KLHL41: variants seen among roughly 807,000 people sequenced by gnomAD.
KLHL41 encodes kelch-like protein 41.
A neutral mutation model predicts 49.2 loss-of-function variants in KLHL41; 31 were observed. The observed-to-expected ratio is 0.63, with a 90% CI of 0.47 to 0.85. The LOEUF (loss-of-function observed/expected upper bound fraction) is 0.85. Ranked by LOEUF, KLHL41 falls within the 40% of genes least tolerant of loss-of-function variation. The pLI is 0.00. For synonymous variants in KLHL41, 218 were observed against 258.5 expected (o/e 0.84, Z 1.50); for missense variants, 663 against 726.7 (o/e 0.91, Z 1.01).
chr2:169,518,492 AG>A, intron 4 of KLHL41, 117 bp downstream of exon 4: 1 of 675,388 alleles, frequency 1.5e-6, no homozygotes. Flanking sequence ...ACAGAGCCAC[AG>A]ATTACAAAGG....
intron 5 of KLHL41, among the ~76,000 whole-genome samples, chr2:169,522,421 C>T (rs151227356): frequency 3.9e-5 from 6 of 151,942 alleles, no homozygotes; most frequent in Non-Finnish European, 7.4e-5. Flanking sequence ...GAGATTTCCA[C>T]GGAGCAAAGA....
intron 5 of KLHL41, among the ~76,000 whole-genome samples, chr2:169,521,242 T>A (rs1473143700): frequency 1.3e-5 from 2 of 152,206 alleles, no homozygotes; most frequent in African/African-American, 4.8e-5. Context: ...TGTTTCTTAC[T>A]GTAAAATGAG....
intron 5 of KLHL41, among the ~76,000 whole-genome samples, chr2:169,523,270 A>G (rs1272353444): frequency 6.6e-6 from 1 of 152,198 alleles, no homozygotes; most frequent in Non-Finnish European, 1.5e-5. Flanking sequence ...TTGCGATTAG[A>G]GCAGTGGTTC....
chr2:169,513,272 C>G (rs1684057932), intron 1 of KLHL41, among the ~76,000 whole-genome samples: 1 of 152,134 alleles, frequency 6.6e-6, no homozygotes, highest in African/African-American at 2.4e-5. Context: ...TCTTCCTGTG[C>G]CTCGGTTTCC....
At position 169,510,352 on chromosome 2, in the gene KLHL41, A is replaced by C. The variant is rs1559129388; in HGVS notation, c.574A>C (p.Lys192Gln). ...VISNDSLNVE[K>Q]EEAVFEAVMK... ...TTCAAATGACAGCCTAAATGTAGAA[A>C]AAGAAGAAGCAGTATTTGAGGCAGT... Residue 192 changes from lysine (K) to glutamine (Q), a missense_variant, in exon 1 of 6, where the codon AAA becomes CAA. By Grantham distance (53) the Lys-to-Gln change is moderately conservative. This residue lies in a region of KLHL41 where 528 missense variants were observed against 581.0 expected (regional missense o/e 0.91). Coordinates refer to ENST00000284669, the MANE Select transcript of KLHL41 (RefSeq NM_006063.3). This position sits in a 1 kb window ranked among gnomAD's most constrained non-coding sequence, Gnocchi z 4.2. The C allele has an allele frequency of 1.9e-6, 3 of 1,614,170 alleles. No homozygotes were observed. The highest frequency in any genetic ancestry group is 2.5e-6 in the Non-Finnish European group (3 of 1,180,042).
chr2:169,510,412 G>GT lies in KLHL41; in HGVS notation c.636dup (p.Lys213Ter). 1 of 1,614,042 alleles carries GT rather than the reference G, an allele frequency of 6.2e-7. No individual in the cohort carries two copies. Among genetic ancestry groups the GT allele is most frequent in the African/African-American group, 1.3e-5 (1 of 75,020 alleles). Reference sequence around the variant, plus strand: ...GGTGCGAACAGACAAGGAAAACAGGGTTAAAAACCTTAGTGAAGTGTTTGA... The same window carrying GT: ...GGTGCGAACAGACAAGGAAAACAGGGTTTAAAAACCTTAGTGAAGTGTTTGA... On this transcript the variant is annotated frameshift_variant, in exon 1 of 6. Transcript: ENST00000284669. LOFTEE classifies it high-confidence loss of function. The surrounding 1 kb of genome is among the most constrained non-coding windows in gnomAD (Gnocchi z 4.2).
Position 169,522,705 on chromosome 2 carries a change from A to ATTTTTTTT in KLHL41, c.1709+1723_1709+1730dup, listed in dbSNP as rs60635668. ...CCTAGTTCCTAAAACCTTCCCAGTG[A>ATTTTTTTT]TTTTTTTTTTTTTTTTTTTTTTTTT... On this transcript the variant is annotated intron_variant, in intron 5 of 5. Coordinates refer to ENST00000284669, the MANE Select transcript of KLHL41 (RefSeq NM_006063.3). Among the ~76,000 whole-genome samples, 44 of 50,126 alleles carry ATTTTTTTT rather than the reference A, an allele frequency of 8.8e-4. 4 individuals carry two copies. Among genetic ancestry groups the ATTTTTTTT allele is most frequent in the East Asian group, 4.5e-3 (6 of 1,334 alleles). 32.9% of individuals were successfully genotyped at this position (50,126 alleles called of 152,430 possible). A position where few individuals can be genotyped will look rare whatever the true frequency, so the allele number is the denominator to read the frequency against.
Position 169,525,627 on chromosome 2 carries a change from A to G in KLHL41, c.1752A>G (p.Glu584=), listed in dbSNP as rs1295227104. 6.2e-7 allele frequency: 1 copy of G among 1,613,708 alleles called. No homozygotes were observed. ...AAGAATGGGCTGGGATGTTGAAGGA[A>G]ATACGTTATGCTTCAGGAGCTAGTT... The part of the protein sequence containing the change: ...DKKEWAGMLK[E]IRYASGASCL... The change falls in exon 6 of 6, where the codon GAA becomes GAG. Residue 584 remains glutamate (E), a synonymous_variant. Coordinates refer to ENST00000284669, the MANE Select transcript of KLHL41 (RefSeq NM_006063.3).
chr2:169,511,021 T>C, intron 1 of KLHL41, 133 bp downstream of exon 1: 1 of 737,806 alleles, frequency 1.4e-6, no homozygotes, highest in African/African-American at 1.8e-5. Flanking sequence ...TCCCTTGCAC[T>C]TTTGCTGTAT....
Position 169,510,149 on chromosome 2 carries a change from C to T in KLHL41, c.371C>T (p.Ser124Phe), listed in dbSNP as rs778483560. The T allele has an allele frequency of 6.2e-7, 1 of 1,614,144 alleles. No homozygotes were observed. Among genetic ancestry groups the T allele is most frequent in the Non-Finnish European group, 8.5e-7 (1 of 1,180,016 alleles). Residue 124 changes from serine to phenylalanine, a missense_variant, in exon 1 of 6, where the codon TCT becomes TTT. Ser to Phe is a radical substitution (Grantham distance 155). Coordinates refer to ENST00000284669, the MANE Select transcript of KLHL41 (RefSeq NM_006063.3). This position sits in a 1 kb window ranked among gnomAD's most constrained non-coding sequence, Gnocchi z 4.2. ...CCCTCAGTGTTTACTGTCTGCGTTT[C>T]TTATCTTCAGAAAAGACTTGCTCCT... ...QIPSVFTVCV[S>F]YLQKRLAPGN...
chr2:169,522,137 C>G (rs1031611684), intron 5 of KLHL41, among the ~76,000 whole-genome samples: 10 of 152,110 alleles, frequency 6.6e-5, no homozygotes, highest in African/African-American at 2.4e-4. Context: ...GCCATTTATA[C>G]TTAATCAGTG....
chr2:169,516,421 A>G (rs1432649868), intron 3 of KLHL41, among the ~76,000 whole-genome samples: 16 of 152,208 alleles, frequency 1.1e-4, no homozygotes. Context: ...AGCTATTCCT[A>G]TCAAATTTAA....
chr2:169,517,015 G>GAAAT (rs1269898434), intron 3 of KLHL41, among the ~76,000 whole-genome samples: 2 of 152,096 alleles, frequency 1.3e-5, no homozygotes, highest in Non-Finnish European at 1.5e-5. Flanking sequence ...TCCGTCTCCA[G>GAAAT]AAATAAATAA....
intron 1 of KLHL41, among the ~76,000 whole-genome samples, chr2:169,512,761 ATATT>A (rs1034299217): frequency 6.6e-6 from 1 of 152,160 alleles, no homozygotes; most frequent in Non-Finnish European, 1.5e-5. Flanking sequence ...TCATCAGACA[ATATT>A]TACATGAGAA....
At chr2:169,513,642 C>T (rs1440272106) in intron 1 of KLHL41, among the ~76,000 whole-genome samples, 2 of 152,184 alleles carry the variant, frequency 1.3e-5, no homozygotes, top group Non-Finnish European at 2.9e-5. Context: ...TTTGTATGCA[C>T]ATCTATTCTT....
chr2:169,513,172 T>C (rs1684056457), intron 1 of KLHL41, among the ~76,000 whole-genome samples: 1 of 152,218 alleles, frequency 6.6e-6, no homozygotes, highest in Non-Finnish European at 1.5e-5. Flanking sequence ...TGATGGCTGC[T>C]GTTTCCATTT....
chr2:169,520,314 G>GTGTGTGTGTGTGTGTGTGTGTGTA (rs1684183914), intron 4 of KLHL41, among the ~76,000 whole-genome samples: 1 of 103,444 alleles, frequency 9.7e-6, no homozygotes, highest in Non-Finnish European at 2.1e-5. Context: ...GTGTGTGTAT[G>GTGTGTGTGTGTGTGTGTGTGTGTA]TGTGTGTGTG....
intron 4 of KLHL41, among the ~76,000 whole-genome samples, chr2:169,520,509 T>C (rs1186857243): frequency 2.6e-5 from 4 of 151,890 alleles, no homozygotes; most frequent in Non-Finnish European, 5.9e-5. Flanking sequence ...TGGAGTACAG[T>C]TGCACAATCT....
rs759037384 is a variant in KLHL41 at position 169,510,562 on chromosome 2, A to T, written c.784A>T (p.Lys262Ter). The change falls in exon 1 of 6, where the codon AAA becomes TAA. Residue 262 changes from lysine (K) to a stop codon, truncating the protein, a stop_gained. Transcript: ENST00000284669. LOFTEE classifies it high-confidence loss of function. This position sits in a 1 kb window ranked among gnomAD's most constrained non-coding sequence, Gnocchi z 4.2. ...IKVLKDAFAG[K>*]LPEPSKNAAK... The stretch of plus-strand genomic sequence containing the variant: ...AGTTCTAAAAGATGCTTTCGCAGGC[A>T]AACTCCCAGAACCTAGCAAAAATGC... 1 of 1,614,152 alleles carries T rather than the reference A, an allele frequency of 6.2e-7. No homozygotes were observed. The highest frequency in any genetic ancestry group is 8.5e-7 in the Non-Finnish European group (1 of 1,180,018).
Sources: allele counts gnomAD v4.1 joint callset (sites outside exome capture counted in the v4.1 genomes callset), GRCh38; gene constraint gnomAD v4.1.1; regional missense constraint gnomAD v4.1.1; non-coding constraint Gnocchi (gnomAD v3.1); transcripts MANE v1.5; gene names NCBI Gene and HGNC (gene_info 2026-07-23, HGNC 2026-07-21).